The following MCF2L2 variants were observed in gnomAD, a reference collection of about 807,000 sequenced individuals.
The protein encoded by MCF2L2 is probable guanine nucleotide exchange factor MCF2L2.
A neutral mutation model predicts 150.2 loss-of-function variants in MCF2L2; 102 were observed. That is an observed-to-expected ratio of 0.68 (90% confidence interval 0.58 to 0.80). MCF2L2 has a LOEUF of 0.80. Ranked by LOEUF, MCF2L2 falls within the 30% of genes least tolerant of loss-of-function variation. The probability of loss-of-function intolerance (pLI) is 0.00; values close to 1 mark genes in which losing one functional copy is unlikely to be tolerated. For synonymous variants in MCF2L2, 465 were observed against 491.3 expected (o/e 0.95, Z 0.71); for missense variants, 1,256 against 1,372.8 (o/e 0.91, Z 1.34).
In MCF2L2 at chr3:183,192,986, G is replaced by A. The variant is rs1273715472; in HGVS notation, c.3016+13C>T. 6.2e-7 allele frequency: 1 copy of A among 1,606,876 alleles called. No homozygotes were observed. Among genetic ancestry groups the A allele is most frequent in the South Asian group, 1.1e-5 (1 of 90,892 alleles). ...TGCTTCTGTGCTCCACTCTCCCATG[G>A]GACCCTCCCTACCTTTAATCCCTCC... On this transcript the variant is annotated intron_variant, in intron 27 of 29. Transcript: ENST00000328913.
intron 14 of MCF2L2, among the ~76,000 whole-genome samples, chr3:183,285,348 T>TA (rs1727727813): frequency 6.6e-6 from 1 of 152,250 alleles, no homozygotes; most frequent in Non-Finnish European, 1.5e-5. Flanking sequence ...GCTGGTTGGG[T>TA]ACATTAAGTA....
intron 3 of MCF2L2, among the ~76,000 whole-genome samples, chr3:183,347,871 G>C (rs1324949591): frequency 1.3e-5 from 2 of 152,218 alleles, no homozygotes; most frequent in African/African-American, 4.8e-5. Context: ...ACACAAGTTA[G>C]AATTGTGATC....
chr3:183,367,530 T>G (rs1195591919), intron 3 of MCF2L2, among the ~76,000 whole-genome samples: 1 of 152,172 alleles, frequency 6.6e-6, no homozygotes, highest in Non-Finnish European at 1.5e-5. Context: ...GTGCCCGGCC[T>G]ACTGATGTCT....
chr3:183,350,673 G>T (rs4859170), intron 3 of MCF2L2, among the ~76,000 whole-genome samples: 21,778 of 152,068 alleles, frequency 0.14, 2,871 homozygotes, highest in African/African-American at 0.35. Flanking sequence ...GGGAGGCCGA[G>T]GCAGGTGGAT....
chr3:183,201,534 G>T (rs897549819), intron 25 of MCF2L2, among the ~76,000 whole-genome samples: 1 of 152,272 alleles, frequency 6.6e-6, no homozygotes, highest in African/African-American at 2.4e-5. Flanking sequence ...GGGCTGAGAC[G>T]ATGGGGTTTT....
chr3:183,388,958 G>C (rs955373693), intron 2 of MCF2L2, among the ~76,000 whole-genome samples: 1 of 151,840 alleles, frequency 6.6e-6, no homozygotes, highest in Non-Finnish European at 1.5e-5. Flanking sequence ...GTTTTTTTCA[G>C]AACAGATGTA....
chr3:183,345,962 T>C (rs952480292), intron 3 of MCF2L2, among the ~76,000 whole-genome samples: 10 of 152,102 alleles, frequency 6.6e-5, no homozygotes, highest in African/African-American at 9.7e-5. Flanking sequence ...CAGGACCAGA[T>C]GGATACACAG....
rs1576902115 is a variant in MCF2L2 at position 183,181,180 on chromosome 3, G to A, written c.3017-1021C>T. Among the ~76,000 whole-genome samples the A allele has an allele frequency of 6.6e-6, 1 of 152,198 alleles. No individual in the cohort carries two copies. The highest frequency in any genetic ancestry group is 2.4e-5 in the African/African-American group (1 of 41,444). ...GGCCAGAGGGCGGTAGGCGGCAGTG[G>A]AGGGAGCTGCAGTTATCTGGGTGAG... On this transcript the variant is annotated intron_variant, in intron 27 of 29. Coordinates refer to ENST00000328913, the MANE Select transcript of MCF2L2 (RefSeq NM_015078.4). The surrounding 1 kb of genome is among the most constrained non-coding windows in gnomAD (Gnocchi z 4.3).
At chr3:183,240,105 C>T (rs1163490714) in intron 15 of MCF2L2, among the ~76,000 whole-genome samples, 1 of 152,226 alleles carries the variant, frequency 6.6e-6, no homozygotes, top group Non-Finnish European at 1.5e-5. Flanking sequence ...CTCTCCACTT[C>T]TGGTGACACC....
Position 183,296,967 on chromosome 3 carries a change from A to T in MCF2L2, c.1497+9T>A, listed in dbSNP as rs758288381. The T allele has an allele frequency of 6.2e-7, 1 of 1,610,576 alleles. No individual in the cohort carries two copies. Among genetic ancestry groups the T allele is most frequent in the Non-Finnish European group, 8.5e-7 (1 of 1,177,728 alleles). On this transcript the variant is annotated intron_variant, in intron 12 of 29. Coordinates refer to ENST00000328913, the MANE Select transcript of MCF2L2 (RefSeq NM_015078.4). The stretch of plus-strand genomic sequence containing the variant: ...CAACCACAGGATCAAAATAACCCGG[A>T]AGCATTACCTTTGCATCGAGGGTGA...
chr3:183,292,764 C>T (rs1352357943), intron 13 of MCF2L2, among the ~76,000 whole-genome samples: 1 of 152,034 alleles, frequency 6.6e-6, no homozygotes, highest in Non-Finnish European at 1.5e-5. Flanking sequence ...AGTATGATTT[C>T]CTATATTTTG....
chr3:183,232,485 G>A (rs1013973129), intron 15 of MCF2L2, among the ~76,000 whole-genome samples: 7 of 152,138 alleles, frequency 4.6e-5, no homozygotes, highest in African/African-American at 1.2e-4. Context: ...CTCAGGCTAC[G>A]TGGCCATATT....
At chr3:183,343,146 AAAAC>A (rs1402169050) in intron 3 of MCF2L2, among the ~76,000 whole-genome samples, 3 of 152,224 alleles carry the variant, frequency 2.0e-5, no homozygotes, top group Non-Finnish European at 4.4e-5. Flanking sequence ...ACTCCTACCA[AAAAC>A]AAACAAAACA....
intron 22 of MCF2L2, among the ~76,000 whole-genome samples, chr3:183,209,925 A>T (rs892983761): frequency 5.3e-5 from 8 of 152,044 alleles, no homozygotes; most frequent in African/African-American, 1.9e-4. Context: ...CAAATACTCC[A>T]ATCCTCCCCT....
At chr3:183,269,624 A>G in intron 15 of MCF2L2, 1 of 592,944 alleles carries the variant, frequency 1.7e-6, no homozygotes, top group South Asian at 2.4e-5. Context: ...TTCTTCCGCA[A>G]TCTCAGAAAA....
intron 5 of MCF2L2, among the ~76,000 whole-genome samples, chr3:183,328,512 C>T (rs907649041): frequency 6.8e-6 from 1 of 147,970 alleles, no homozygotes; most frequent in African/African-American, 2.5e-5. Context: ...TGGAGAACTG[C>T]TTGGTGTGAA....
In MCF2L2 at chr3:183,313,941, G is replaced by A. The variant is rs77044955; in HGVS notation, c.754-2169C>T. ...AGACGAGGTGGAGGTGCCGTTGTGC[G>A]TGTGCCCTGAGCACTTGCTCGTACT... On this transcript the variant is annotated intron_variant, in intron 7 of 29. Coordinates refer to ENST00000328913, the MANE Select transcript of MCF2L2 (RefSeq NM_015078.4). Among the ~76,000 whole-genome samples the A allele has an allele frequency of 6.1e-3, 923 of 152,294 alleles. 41 individuals are homozygous for A. In the South Asian group the frequency reaches 0.092, roughly 15 times the overall value.
At chr3:183,208,111 T>C (rs1348489309) in intron 22 of MCF2L2, among the ~76,000 whole-genome samples, 1 of 152,204 alleles carries the variant, frequency 6.6e-6, no homozygotes, top group Non-Finnish European at 1.5e-5. Flanking sequence ...TGTGATATTT[T>C]TGACTCAATT....
chr3:183,360,375 C>G (rs1399795486), intron 3 of MCF2L2, among the ~76,000 whole-genome samples: 1 of 151,974 alleles, frequency 6.6e-6, no homozygotes, highest in African/African-American at 2.4e-5. Flanking sequence ...CATGATCAGC[C>G]TGGGCAACAG....
Sources: allele counts gnomAD v4.1 joint callset (sites outside exome capture counted in the v4.1 genomes callset), GRCh38; gene constraint gnomAD v4.1.1; non-coding constraint Gnocchi (gnomAD v3.1); transcripts MANE v1.5; gene names NCBI Gene and HGNC (gene_info 2026-07-23, HGNC 2026-07-21).